TRIM2: variants seen among roughly 807,000 people sequenced by gnomAD.
The protein encoded by TRIM2 is tripartite motif-containing protein 2.
In TRIM2, 20 loss-of-function variants were observed where a neutral mutation model predicts 75.2. The observed-to-expected ratio is 0.27, with a 90% CI of 0.19 to 0.39. The LOEUF (loss-of-function observed/expected upper bound fraction) is 0.39, where lower values mean the gene tolerates loss of function less well. Ranked by LOEUF, TRIM2 falls within the 10% of genes least tolerant of loss-of-function variation. The pLI is 1.00. For missense variants in TRIM2, 660 were observed against 990.8 expected (o/e 0.67, Z 4.48); for synonymous variants, 373 against 388.3 (o/e 0.96, Z 0.46).
At chr4:153,224,629 A>G (rs1439711847) in intron 1 of TRIM2, among the ~76,000 whole-genome samples, 1 of 152,232 alleles carries the variant, frequency 6.6e-6, no homozygotes, top group East Asian at 1.9e-4. Context: ...ATTCCCTGAG[A>G]ACATTTTTCC....
chr4:153,158,969 T>C (rs1180949704), intron 1 of TRIM2, among the ~76,000 whole-genome samples: 1 of 152,192 alleles, frequency 6.6e-6, no homozygotes, highest in Non-Finnish European at 1.5e-5. Context: ...ATTTCAAAGG[T>C]GTGTGACCTT....
At chr4:153,282,574 C>T (rs952115188) in intron 3 of TRIM2, among the ~76,000 whole-genome samples, 1 of 152,032 alleles carries the variant, frequency 6.6e-6, no homozygotes, top group African/African-American at 2.4e-5. Context: ...ATAAAATTCA[C>T]ATCACATAAA....
At chr4:153,302,709 T>C (rs1044104230) in intron 6 of TRIM2, among the ~76,000 whole-genome samples, 3 of 152,238 alleles carry the variant, frequency 2.0e-5, no homozygotes, top group African/African-American at 7.2e-5. Context: ...TTGAACTCCC[T>C]CTGTGCTCTC....
intron 6 of TRIM2, among the ~76,000 whole-genome samples, chr4:153,314,243 A>C (rs1336479027): frequency 1.4e-5 from 2 of 144,380 alleles, no homozygotes; most frequent in Non-Finnish European, 2.9e-5. Context: ...AAACGGTGAA[A>C]CCCTGTCTCT....
At chr4:153,263,770 C>T (rs1420927512) in intron 1 of TRIM2, among the ~76,000 whole-genome samples, 1 of 152,180 alleles carries the variant, frequency 6.6e-6, no homozygotes, top group Non-Finnish European at 1.5e-5. Flanking sequence ...ATCAGGGTGC[C>T]CCCATGGTGG....
At chr4:153,244,741 A>G (rs770870557) in intron 1 of TRIM2, among the ~76,000 whole-genome samples, 13 of 152,192 alleles carry the variant, frequency 8.5e-5, no homozygotes, top group Non-Finnish European at 1.5e-4. Context: ...GATATGAACT[A>G]GAGAATAAAT....
chr4:153,290,567 T>C (rs968483943), intron 3 of TRIM2, among the ~76,000 whole-genome samples: 5 of 152,230 alleles, frequency 3.3e-5, no homozygotes, highest in Admixed American at 3.3e-4. Context: ...TTATAGTCTT[T>C]CTGTGGGATA....
chr4:153,313,777 C>G (rs1474525357), intron 6 of TRIM2, among the ~76,000 whole-genome samples: 1 of 151,152 alleles, frequency 6.6e-6, no homozygotes, highest in Non-Finnish European at 1.5e-5. Context: ...GCTGGGATTA[C>G]AGGCACACAC....
At position 153,295,546 on chromosome 4, in the gene TRIM2, C is replaced by G; in HGVS notation, c.1020C>G (p.His340Gln). 1 of 1,613,458 alleles carries G rather than the reference C, an allele frequency of 6.2e-7. No homozygotes were observed. Among genetic ancestry groups the G allele is most frequent in the African/African-American group, 1.3e-5 (1 of 75,012 alleles). Residue 340 changes from histidine (H) to glutamine (Q), a missense_variant, in exon 6 of 12, where the codon CAC becomes CAG. By Grantham distance (24) the His-to-Gln change is conservative. This residue lies in a region of TRIM2 where 620 missense variants were observed against 891.0 expected (regional missense o/e 0.70). Coordinates refer to ENST00000338700, the MANE Select transcript of TRIM2 (RefSeq NM_015271.5). The surrounding 1 kb of genome is among the most constrained non-coding windows in gnomAD (Gnocchi z 7.2). ...CCGAGGGGCTGAAGAAGTCCATCCACAACCTCGGGACGATCTTAACCACCA... is the reference window on the plus strand; with the variant it reads ...CCGAGGGGCTGAAGAAGTCCATCCAGAACCTCGGGACGATCTTAACCACCA... ...VETEGLKKSI[H>Q]NLGTILTTNA...
chr4:153,179,367 TTAAATATTATTATTTGA>T (rs1239203960), intron 1 of TRIM2, among the ~76,000 whole-genome samples: 1 of 150,548 alleles, frequency 6.6e-6, no homozygotes, highest in Non-Finnish European at 1.5e-5. Context: ...ATATTTAATG[TTAAATATTATTATTTGA>T]TTATTAATAA....
At chr4:153,185,928 T>A (rs1732550884) in intron 1 of TRIM2, among the ~76,000 whole-genome samples, 1 of 152,162 alleles carries the variant, frequency 6.6e-6, no homozygotes. Context: ...TAAAGTGCAC[T>A]TTCCAGACAA....
At chr4:153,178,972 G>A (rs1731761808) in intron 1 of TRIM2, among the ~76,000 whole-genome samples, 1 of 152,136 alleles carries the variant, frequency 6.6e-6, no homozygotes, top group Non-Finnish European at 1.5e-5. Flanking sequence ...GATGGCTTGA[G>A]CTCAGGAGTT....
rs550480005 is a variant in TRIM2, at chr4:153,231,206, A to G, written c.30+26646A>G. 3.9e-5 allele frequency among the ~76,000 whole-genome samples: 6 copies of G among 152,304 alleles called. No individual in the cohort carries two copies. The East Asian group carries it at 7.7e-4, about 20-fold the overall frequency. On this transcript the variant is annotated intron_variant, in intron 1 of 11. Coordinates refer to ENST00000338700, the MANE Select transcript of TRIM2 (RefSeq NM_015271.5). ...AAAGTGTCTGGAAAAGTGGTTTTCA[A>G]TAGAGATTGTTTACTTTAAATTTAA...
At position 153,328,352 on chromosome 4, in the gene TRIM2, AT is replaced by A. The variant is rs149746390; in HGVS notation, c.2023-175del. On this transcript the variant is annotated intron_variant, in intron 10 of 11. Coordinates refer to ENST00000338700, the MANE Select transcript of TRIM2 (RefSeq NM_015271.5). ...AATGATAAATCAGATTTATACAGTA[AT>A]TTGGGGAACCACAATGATATGCAGT... Among the ~76,000 whole-genome samples, 937 of 152,320 alleles carry A rather than the reference AT, an allele frequency of 6.2e-3. 6 individuals are homozygous for A. Among genetic ancestry groups the A allele is most frequent in the South Asian group, 0.013 (62 of 4,824 alleles).
chr4:153,244,364 T>TCTTCC (rs1560874466), intron 1 of TRIM2, among the ~76,000 whole-genome samples: 1 of 30,726 alleles, frequency 3.3e-5, no homozygotes, highest in Non-Finnish European at 5.2e-5. Flanking sequence ...CCTCTTCTTC[T>TCTTCC]TCTTCTTCTT....
At chr4:153,181,241 G>T (rs1732028910) in intron 1 of TRIM2, among the ~76,000 whole-genome samples, 1 of 151,946 alleles carries the variant, frequency 6.6e-6, no homozygotes, top group South Asian at 2.2e-4. Flanking sequence ...ACTTGTCCAG[G>T]TCTCACAGAA....
chr4:153,186,645 T>C (rs2149648939), intron 1 of TRIM2, among the ~76,000 whole-genome samples: 1 of 152,306 alleles, frequency 6.6e-6, no homozygotes, highest in Admixed American at 6.5e-5. Context: ...GAGGGCCCCT[T>C]TTCAAGTCTT....
At chr4:153,162,162 A>G (rs1026545796) in intron 1 of TRIM2, among the ~76,000 whole-genome samples, 2 of 152,336 alleles carry the variant, frequency 1.3e-5, no homozygotes, top group African/African-American at 4.8e-5. Flanking sequence ...CATCTTCAAG[A>G]AATACTTGTT....
rs1772338343 is a variant in TRIM2, at chr4:153,335,413, T to C, written c.*447T>C. On this transcript the variant is annotated 3_prime_UTR_variant, in exon 12 of 12. Transcript: ENST00000338700. ...AGGTCACAAGACCCAGGGAATCTTCTAACCTCACTTTTACAGTAGGTATTA... is the reference window on the plus strand; with the variant it reads ...AGGTCACAAGACCCAGGGAATCTTCCAACCTCACTTTTACAGTAGGTATTA... 1 of 985,680 alleles carries C rather than the reference T, an allele frequency of 1.0e-6. No homozygotes were observed. Among genetic ancestry groups the C allele is most frequent in the South Asian group, 4.7e-5 (1 of 21,302 alleles). 61.1% of individuals were successfully genotyped at this position (985,680 alleles called of 1,614,324 possible).
Sources: allele counts gnomAD v4.1 joint callset (sites outside exome capture counted in the v4.1 genomes callset), GRCh38; gene constraint gnomAD v4.1.1; regional missense constraint gnomAD v4.1.1; non-coding constraint Gnocchi (gnomAD v3.1); transcripts MANE v1.5; gene names NCBI Gene and HGNC (gene_info 2026-07-23, HGNC 2026-07-21).